SPATA13: variants seen among roughly 807,000 people sequenced by gnomAD.
SPATA13 encodes the protein spermatogenesis associated 13.
Under a neutral mutation model 104.0 loss-of-function variants are expected in SPATA13, and 50 were observed. The observed-to-expected ratio is 0.48, with a 90% CI of 0.38 to 0.61. SPATA13 has a LOEUF of 0.61. Ranked by LOEUF, SPATA13 falls within the 20% of genes least tolerant of loss-of-function variation. The pLI is 0.00. For missense variants in SPATA13, 1,524 were observed against 1,690.6 expected (o/e 0.90, Z 1.73); for synonymous variants, 606 against 667.5 (o/e 0.91, Z 1.42).
chr13:24,177,191 C>G (rs1868487560), intron 1 of SPATA13, among the ~76,000 whole-genome samples: 1 of 152,156 alleles, frequency 6.6e-6, no homozygotes, highest in Non-Finnish European at 1.5e-5. Context: ...ACAAACGTTG[C>G]TTTACTTCTC....
chr13:24,185,797 G>A (rs577685970), intron 1 of SPATA13, among the ~76,000 whole-genome samples: 3 of 142,014 alleles, frequency 2.1e-5, no homozygotes, highest in Admixed American at 7.0e-5. Context: ...GTGTGTGTGC[G>A]CACACACATA....
chr13:24,291,758 T>TTTA (rs1455307124), intron 9 of SPATA13, among the ~76,000 whole-genome samples: 12 of 133,086 alleles, frequency 9.0e-5, no homozygotes, highest in African/African-American at 2.9e-4. Context: ...ATTTTTTTAT[T>TTTA]TTTTTTTTTG....
intron 3 of SPATA13, among the ~76,000 whole-genome samples, chr13:24,063,408 C>T (rs1368494100): frequency 6.6e-6 from 1 of 152,138 alleles, no homozygotes; most frequent in Non-Finnish European, 1.5e-5. Context: ...CCTTCCTGTA[C>T]TTATTGAGTT....
chr13:24,299,008 G>T (rs1876991632), intron 11 of SPATA13, among the ~76,000 whole-genome samples: 1 of 152,158 alleles, frequency 6.6e-6, no homozygotes. Flanking sequence ...CCCAGCAACA[G>T]CCATAGATTA....
intron 3 of SPATA13, among the ~76,000 whole-genome samples, chr13:24,152,495 G>C (rs1373215286): frequency 6.6e-6 from 1 of 152,204 alleles, no homozygotes; most frequent in African/African-American, 2.4e-5. Flanking sequence ...TCTTTGATAA[G>C]CTCCACCAGG....
In SPATA13 at chr13:24,286,811, C is replaced by A. The variant is rs772262158; in HGVS notation, c.2528C>A (p.Pro843His). The change falls in exon 7 of 13, where the codon CCC (proline) becomes CAC (histidine). Residue 843 changes from proline (P) to histidine (H), a missense_variant. Coordinates refer to ENST00000382108, the MANE Select transcript of SPATA13 (RefSeq NM_001166271.3). This position sits in a 1 kb window ranked among gnomAD's most constrained non-coding sequence, Gnocchi z 4.9. The stretch of plus-strand genomic sequence containing the variant: ...CTGTCGGAAAACTCCAGCAGCACCC[C>A]CAGTGAGGAGCAGGACGAGGAGGCC... ...EELSENSSST[P>H]SEEQDEEASQ... The A allele has an allele frequency of 6.2e-7, 1 of 1,613,548 alleles. No individual in the cohort carries two copies. Among genetic ancestry groups the A allele is most frequent in the Non-Finnish European group, 8.5e-7 (1 of 1,179,998 alleles).
intron 3 of SPATA13, among the ~76,000 whole-genome samples, chr13:24,098,540 T>C (rs1433077072): frequency 6.7e-6 from 1 of 149,748 alleles, no homozygotes; most frequent in Non-Finnish European, 1.5e-5. Flanking sequence ...GAGGCCGCAC[T>C]GAGCTGTGAT....
rs368297515 is a variant in SPATA13 at position 24,063,415 on chromosome 13, A to G, written c.-112+45714A>G. Among the ~76,000 whole-genome samples the G allele has an allele frequency of 3.3e-5, 5 of 152,278 alleles. No individual in the cohort carries two copies. In the East Asian group the frequency reaches 5.8e-4, roughly 18 times the overall value. Reference sequence around the variant, plus strand: ...TACATATTCCTTCCTGTACTTATTGAGTTATCACAGTGCTTGATCTGTGTA... The same window carrying G: ...TACATATTCCTTCCTGTACTTATTGGGTTATCACAGTGCTTGATCTGTGTA... On this transcript the variant is annotated intron_variant, in intron 3 of 14. Transcript: ENST00000424834.
chr13:24,274,162 A>G (rs530142418), intron 4 of SPATA13, among the ~76,000 whole-genome samples: 2 of 152,310 alleles, frequency 1.3e-5, no homozygotes, highest in African/African-American at 2.4e-5. Flanking sequence ...AGCCAATGCA[A>G]TCAGAATCCA....
chr13:24,282,167 G>T (rs1593495124), intron 4 of SPATA13, among the ~76,000 whole-genome samples: 1 of 151,936 alleles, frequency 6.6e-6, no homozygotes, highest in Admixed American at 6.6e-5. Flanking sequence ...CATGATGGTG[G>T]GGGGTGGGAG....
intron 4 of SPATA13, among the ~76,000 whole-genome samples, chr13:24,260,140 T>G (rs1441788568): frequency 6.6e-6 from 1 of 152,066 alleles, no homozygotes; most frequent in Non-Finnish European, 1.5e-5. Flanking sequence ...TCACGCTGAG[T>G]AGAAACGGGG....
At chr13:24,169,581 A>G (rs916241799) in intron 1 of SPATA13, among the ~76,000 whole-genome samples, 1 of 152,128 alleles carries the variant, frequency 6.6e-6, no homozygotes, top group Non-Finnish European at 1.5e-5. Context: ...AGCCTGTCCT[A>G]TAACTTCCCT....
chr13:24,114,738 C>G (rs569452161), intron 3 of SPATA13, among the ~76,000 whole-genome samples: 3 of 152,262 alleles, frequency 2.0e-5, no homozygotes, highest in African/African-American at 7.2e-5. Flanking sequence ...TCTTGGCTCA[C>G]CACAACTTCC....
In SPATA13 at chr13:24,224,591, A is replaced by C. The variant is rs1284986768; in HGVS notation, c.1653+9A>C. 1.3e-6 allele frequency: 2 copies of C among 1,537,270 alleles called. No individual in the cohort carries two copies. The highest frequency in any genetic ancestry group is 2.0e-5 in the Admixed American group (1 of 51,006). ...AAAAGGAGAAGGAGGAGGTAAGGGC[A>C]GCGGCGAGGTCCCTCATGTGGGCGA... On this transcript the variant is annotated intron_variant, in intron 2 of 12. Transcript: ENST00000382108.
intron 1 of SPATA13, among the ~76,000 whole-genome samples, chr13:24,177,514 T>G (rs1053352605): frequency 1.3e-5 from 2 of 152,204 alleles, no homozygotes; most frequent in Non-Finnish European, 2.9e-5. Flanking sequence ...AGACACAGTC[T>G]TACTCTGCAA....
intron 3 of SPATA13, among the ~76,000 whole-genome samples, chr13:24,043,621 A>G (rs1878015462): frequency 6.6e-6 from 1 of 152,150 alleles, no homozygotes; most frequent in Non-Finnish European, 1.5e-5. Context: ...TGGAGAGTAA[A>G]GGCCTCAGTG....
intron 3 of SPATA13, among the ~76,000 whole-genome samples, chr13:24,064,983 A>C (rs1878898205): frequency 2.1e-5 from 1 of 47,656 alleles, no homozygotes; most frequent in East Asian, 8.7e-4. Context: ...AGAAACTGTC[A>C]CAGGCCACAG....
At chr13:24,046,773 C>T (rs1235502036) in intron 3 of SPATA13, among the ~76,000 whole-genome samples, 1 of 151,950 alleles carries the variant, frequency 6.6e-6, no homozygotes, top group Non-Finnish European at 1.5e-5. Flanking sequence ...AACATACACC[C>T]ATTTCTATTG....
intron 1 of SPATA13, among the ~76,000 whole-genome samples, chr13:24,174,751 A>T (rs1593382050): frequency 6.6e-6 from 1 of 151,892 alleles, no homozygotes; most frequent in East Asian, 1.9e-4. Flanking sequence ...TAATATTTGA[A>T]TTTTTTTAGT....
Sources: allele counts gnomAD v4.1 joint callset (sites outside exome capture counted in the v4.1 genomes callset), GRCh38; gene constraint gnomAD v4.1.1; non-coding constraint Gnocchi (gnomAD v3.1); transcripts MANE v1.5; gene names NCBI Gene and HGNC (gene_info 2026-07-23, HGNC 2026-07-21).